PRKG1: variants seen among roughly 807,000 people sequenced by gnomAD.
The protein encoded by PRKG1 is protein kinase cGMP-dependent 1.
PRKG1 carries 35 observed loss-of-function variants against 88.1 expected under a neutral mutation model. The observed-to-expected ratio is 0.40, with a 90% confidence interval of 0.30 to 0.53. PRKG1 has a LOEUF of 0.53. PRKG1 is among the 20% of genes least tolerant of loss of function. The probability of loss-of-function intolerance (pLI) is 0.59; values close to 1 mark genes in which losing one functional copy is unlikely to be tolerated. For missense variants in PRKG1, 540 were observed against 839.8 expected (o/e 0.64, Z 4.41); for synonymous variants, 303 against 292.5 (o/e 1.04, Z -0.37).
At chr10:51,789,029 A>G (rs1027290107) in intron 3 of PRKG1, among the ~76,000 whole-genome samples, 2 of 152,216 alleles carry the variant, frequency 1.3e-5, no homozygotes, top group Admixed American at 1.3e-4. Flanking sequence ...AGTTAAAGTC[A>G]CATCGTTTAA....
chr10:51,173,526 T>C (rs185015597), intron 2 of PRKG1, among the ~76,000 whole-genome samples: 2 of 152,012 alleles, frequency 1.3e-5, no homozygotes, highest in East Asian at 3.9e-4. Flanking sequence ...TGTGGAAGTA[T>C]ATGTCATTAT....
At chr10:51,663,448 T>C (rs988188729) in intron 3 of PRKG1, among the ~76,000 whole-genome samples, 1 of 152,030 alleles carries the variant, frequency 6.6e-6, no homozygotes. Context: ...CTCATGACTA[T>C]AATCCCAGCA....
chr10:51,034,668 TTATATATATATATATATATATATATA>T (rs1554831108), intron 1 of PRKG1, among the ~76,000 whole-genome samples: 7 of 68,188 alleles, frequency 1.0e-4, no homozygotes, highest in African/African-American at 3.3e-4. Flanking sequence ...AATATGTTAT[TTATATATATATATATATATATATATA>T]TATATATATA....
intron 5 of PRKG1, among the ~76,000 whole-genome samples, chr10:51,918,224 T>C (rs779758211): frequency 1.3e-5 from 2 of 152,222 alleles, no homozygotes; most frequent in African/African-American, 2.4e-5. Context: ...AGTACTATAC[T>C]GCATTGTAAC....
At chr10:51,410,232 G>C (rs1308717288) in intron 2 of PRKG1, among the ~76,000 whole-genome samples, 2 of 126,538 alleles carry the variant, frequency 1.6e-5, no homozygotes, top group Admixed American at 1.7e-4. Context: ...ATATATGTGT[G>C]TGTGTATGTG....
At chr10:51,738,309 C>T (rs185595722) in intron 3 of PRKG1, among the ~76,000 whole-genome samples, 13 of 152,058 alleles carry the variant, frequency 8.5e-5, no homozygotes, top group African/African-American at 2.4e-4. Flanking sequence ...TCAAAAGGGA[C>T]GTTTGTAGGA....
intron 3 of PRKG1, among the ~76,000 whole-genome samples, chr10:51,700,030 A>G (rs1428648859): frequency 6.6e-6 from 1 of 152,252 alleles, no homozygotes; most frequent in African/African-American, 2.4e-5. Flanking sequence ...GTGGCCTTTT[A>G]TTATAGTATA....
At chr10:51,257,670 A>G (rs1304683416) in intron 2 of PRKG1, among the ~76,000 whole-genome samples, 3 of 151,392 alleles carry the variant, frequency 2.0e-5, no homozygotes, top group Non-Finnish European at 4.4e-5. Context: ...AGCTTAGCCA[A>G]CTCTGCAGAA....
At chr10:51,566,312 C>T (rs1837601983) in intron 3 of PRKG1, among the ~76,000 whole-genome samples, 1 of 152,060 alleles carries the variant, frequency 6.6e-6, no homozygotes, top group Admixed American at 6.6e-5. Context: ...CACAAAGCTG[C>T]AAGTTAAATG....
intron 4 of PRKG1, among the ~76,000 whole-genome samples, chr10:51,878,756 G>A (rs1482078995): frequency 6.6e-6 from 1 of 152,132 alleles, no homozygotes; most frequent in Non-Finnish European, 1.5e-5. Context: ...ATACTGACTA[G>A]AGCTGGCTAT....
At chr10:51,133,122 A>G (rs989044643) in intron 1 of PRKG1, among the ~76,000 whole-genome samples, 7 of 152,162 alleles carry the variant, frequency 4.6e-5, no homozygotes, top group African/African-American at 1.7e-4. Context: ...ATCCTTTCCT[A>G]AGATAAATCA....
chr10:51,111,700 T>A (rs74131743), intron 1 of PRKG1, among the ~76,000 whole-genome samples: 2 of 152,266 alleles, frequency 1.3e-5, no homozygotes, highest in African/African-American at 4.8e-5. Context: ...CTAAGGGACT[T>A]GACTTTCCAC....
chr10:51,981,419 T>C (rs1233335359), intron 5 of PRKG1, among the ~76,000 whole-genome samples: 1 of 152,058 alleles, frequency 6.6e-6, no homozygotes, highest in African/African-American at 2.4e-5. Context: ...AGCCCATCTC[T>C]ACTAAGAATA....
At chr10:52,194,839 C>T (rs2132761961) in intron 9 of PRKG1, among the ~76,000 whole-genome samples, 1 of 152,198 alleles carries the variant, frequency 6.6e-6, no homozygotes, top group African/African-American at 2.4e-5. Context: ...AATTAACTGT[C>T]CCAAAGCATC....
At chr10:52,109,717 C>G (rs1847510442) in intron 7 of PRKG1, among the ~76,000 whole-genome samples, 1 of 151,778 alleles carries the variant, frequency 6.6e-6, no homozygotes, top group African/African-American at 2.4e-5. Flanking sequence ...GAGACGACAT[C>G]ACGCCACTGC....
intron 3 of PRKG1, among the ~76,000 whole-genome samples, chr10:51,704,250 C>CAGAT (rs532903749): frequency 0.038 from 5,680 of 149,430 alleles, 113 homozygotes; most frequent in East Asian, 0.046. Context: ...GACAGACAGA[C>CAGAT]AGATAGATAG....
chr10:51,661,026 T>A (rs912122705), intron 3 of PRKG1, among the ~76,000 whole-genome samples: 5 of 107,052 alleles, frequency 4.7e-5, no homozygotes, highest in Non-Finnish European at 1.1e-4. Context: ...TGAGCAGAGA[T>A]TTTATTGTTG....
intron 3 of PRKG1, among the ~76,000 whole-genome samples, chr10:51,739,938 C>G (rs1837389338): frequency 6.6e-6 from 1 of 152,194 alleles, no homozygotes; most frequent in Admixed American, 6.5e-5. Flanking sequence ...AAAACCCTAT[C>G]TCAAAACAAA....
In PRKG1 at chr10:51,781,216, A is replaced by G. The variant is rs142519181; in HGVS notation, c.593-23369A>G. On this transcript the variant is annotated intron_variant, in intron 3 of 17. Transcript: ENST00000373980. The stretch of plus-strand genomic sequence containing the variant: ...TCTGCTTTACAAATATTAAAACAAA[A>G]ACAAAAGCAAAAACAAAAAACAGAC... Among the ~76,000 whole-genome samples, 146 of 152,288 alleles carry G rather than the reference A, an allele frequency of 9.6e-4. 1 individual carries two copies. The East Asian group carries it at 0.024, about 25-fold the overall frequency.
Sources: allele counts gnomAD v4.1 joint callset (sites outside exome capture counted in the v4.1 genomes callset), GRCh38; gene constraint gnomAD v4.1.1; transcripts MANE v1.5; gene names NCBI Gene and HGNC (gene_info 2026-07-23, HGNC 2026-07-21).